The following RIPOR2 variants were observed in gnomAD, a reference collection of about 807,000 sequenced individuals.
The protein encoded by RIPOR2 is RHO family interacting cell polarization regulator 2, also known as rho family-interacting cell polarization regulator 2.
RIPOR2 carries 39 observed loss-of-function variants against 114.5 expected under a neutral mutation model. That is an observed-to-expected ratio of 0.34 (90% CI 0.26 to 0.44). The LOEUF is 0.44. RIPOR2 is among the 20% of genes least tolerant of loss of function. The pLI, the probability that RIPOR2 is intolerant of heterozygous loss-of-function variation, is 1.00. For missense variants in RIPOR2, 1,007 were observed against 1,255.1 expected (o/e 0.80, Z 2.99); for synonymous variants, 445 against 484.4 (o/e 0.92, Z 1.07).
intron 1 of RIPOR2, among the ~76,000 whole-genome samples, chr6:24,913,869 A>G (rs568663103): frequency 3.6e-4 from 55 of 152,292 alleles, no homozygotes; most frequent in Non-Finnish European, 6.0e-4. Context: ...ATCCAGGGAA[A>G]CAGTGAAGCC....
At chr6:24,853,192 T>G (rs933460236) in intron 8 of RIPOR2, among the ~76,000 whole-genome samples, 10 of 151,830 alleles carry the variant, frequency 6.6e-5, no homozygotes, top group African/African-American at 2.4e-4. Context: ...AGCTAGTGAT[T>G]AAGAAAACAA....
At chr6:24,850,177 G>C (rs1562260639) in intron 10 of RIPOR2, among the ~76,000 whole-genome samples, 1 of 148,508 alleles carries the variant, frequency 6.7e-6, no homozygotes, top group Non-Finnish European at 1.5e-5. Flanking sequence ...GCTAATTGCA[G>C]CCTTGACCTC....
At chr6:25,019,588 TA>T (rs149820186) in intron 1 of RIPOR2, among the ~76,000 whole-genome samples, 25,990 of 145,102 alleles carry the variant, frequency 0.18, 2,930 homozygotes, top group East Asian at 0.6. Flanking sequence ...GCTAACACGG[TA>T]AAAAAAAAAC....
chr6:25,019,307 T>C (rs1411797741), intron 1 of RIPOR2, among the ~76,000 whole-genome samples: 1 of 152,156 alleles, frequency 6.6e-6, no homozygotes, highest in Non-Finnish European at 1.5e-5. Context: ...TCAGGAGAAA[T>C]TATTACCACT....
chr6:24,975,274 A>T (rs1389312697), intron 1 of RIPOR2, among the ~76,000 whole-genome samples: 1 of 152,240 alleles, frequency 6.6e-6, no homozygotes, highest in African/African-American at 2.4e-5. Flanking sequence ...TATTTACAGC[A>T]TGTATAACAG....
At position 24,804,482 on chromosome 6, in the gene RIPOR2, ATC is replaced by A. The variant is rs1252132058; in HGVS notation, c.*1889_*1890del. 6.6e-6 allele frequency: 1 copy of A among 152,180 alleles called. No individual in the cohort carries two copies. The highest frequency in any genetic ancestry group is 1.5e-5 in the Non-Finnish European group (1 of 68,044). 9.4% of individuals were successfully genotyped at this position (152,180 alleles called of 1,614,324 possible). On this transcript the variant is annotated 3_prime_UTR_variant, in exon 22 of 22. Transcript: ENST00000643898. ...CAAACCAAACACAAAATCCTGTAAC[ATC>A]TGTGTTTGACTTTCTATAAAAAGAA...
rs535685673 is a variant in RIPOR2 at position 25,027,602 on chromosome 6, A to G, written c.76+14249T>C. 5.3e-5 allele frequency among the ~76,000 whole-genome samples: 8 copies of G among 152,304 alleles called. No homozygotes were observed. The East Asian group carries it at 1.3e-3, about 26-fold the overall frequency. ...CCGAGCAGGCCCCTTGGGGGATGAG[A>G]GGGGCATCTTCTGCTAAGCATGGGA... is the stretch of plus-strand genomic sequence containing the variant. On this transcript the variant is annotated intron_variant, in intron 1 of 13. Transcript: ENST00000510784.
chr6:24,935,320 CAA>C (rs976245217), intron 1 of RIPOR2, among the ~76,000 whole-genome samples: 58 of 21,830 alleles, frequency 2.7e-3, no homozygotes, highest in Middle Eastern at 0.026. Flanking sequence ...AAAACAACAA[CAA>C]AAAAAAAAAA....
At chr6:24,848,587 C>T (rs923097384) in intron 11 of RIPOR2, among the ~76,000 whole-genome samples, 3 of 152,136 alleles carry the variant, frequency 2.0e-5, no homozygotes, top group Admixed American at 6.5e-5. Context: ...AAAATAGAAT[C>T]CCATTCATTT....
chr6:24,965,420 G>C (rs1393702338), intron 1 of RIPOR2, among the ~76,000 whole-genome samples: 2 of 152,160 alleles, frequency 1.3e-5, no homozygotes, highest in Non-Finnish European at 2.9e-5. Context: ...TTATAGGCAT[G>C]AGCCACCACA....
chr6:24,842,813 A>G, intron 13 of RIPOR2, 49 bp downstream of exon 13: 1 of 1,134,598 alleles, frequency 8.8e-7, no homozygotes. Flanking sequence ...ATGTTGGCTT[A>G]GGACACCTCT....
At chr6:24,868,812 T>C (rs1764879640) in intron 6 of RIPOR2, among the ~76,000 whole-genome samples, 2 of 152,184 alleles carry the variant, frequency 1.3e-5, no homozygotes, top group African/African-American at 4.8e-5. Flanking sequence ...AGTTTATCTC[T>C]AAGCACTCTA....
intron 1 of RIPOR2, among the ~76,000 whole-genome samples, chr6:25,036,487 G>C (rs889112155): frequency 1.3e-5 from 2 of 152,116 alleles, no homozygotes; most frequent in Non-Finnish European, 2.9e-5. Context: ...CAGTTCCTAA[G>C]TTCAATCAAT....
chr6:24,916,871 G>A (rs76656398), intron 1 of RIPOR2, among the ~76,000 whole-genome samples: 2,778 of 152,204 alleles, frequency 0.018, 36 homozygotes, highest in Middle Eastern at 0.031. Context: ...CCTGTACTTG[G>A]GCAAATTATC....
intron 1 of RIPOR2, among the ~76,000 whole-genome samples, chr6:24,923,868 T>TAAATAAATAAAC (rs1295906617): frequency 2.6e-5 from 4 of 151,678 alleles, no homozygotes; most frequent in East Asian, 3.8e-4. Context: ...AATAAATAAA[T>TAAATAAATAAAC]AAATAAATAA....
chr6:24,837,408 C>A (rs1761216655), intron 14 of RIPOR2, among the ~76,000 whole-genome samples: 1 of 151,642 alleles, frequency 6.6e-6, no homozygotes, highest in Non-Finnish European at 1.5e-5. Flanking sequence ...GAGTGAGCCA[C>A]CACTCCCGGC....
chr6:24,922,490 C>T (rs1462700006), intron 1 of RIPOR2, among the ~76,000 whole-genome samples: 1 of 152,140 alleles, frequency 6.6e-6, no homozygotes. Context: ...AAAGCAACTG[C>T]TCTGTAGACC....
rs1006570374 is a variant in RIPOR2, at chr6:24,807,314, A to G, written c.3044-841T>C. On this transcript the variant is annotated intron_variant, in intron 21 of 21. Coordinates refer to ENST00000643898, the MANE Select transcript of RIPOR2 (RefSeq NM_001286445.3). ...AAACCCCATCTCTACCAAAAAATAC[A>G]AAAAAAGAGTTAGCTGGGTGTGGTG... is the stretch of plus-strand genomic sequence containing the variant. 4.6e-5 allele frequency among the ~76,000 whole-genome samples: 7 copies of G among 152,100 alleles called. No individual in the cohort carries two copies. The East Asian group carries it at 5.8e-4, about 13-fold the overall frequency.
intron 1 of RIPOR2, among the ~76,000 whole-genome samples, chr6:25,022,588 C>T (rs573724626): frequency 5.1e-5 from 4 of 78,982 alleles, no homozygotes; most frequent in African/African-American, 1.7e-4. Flanking sequence ...CTTGTTCTGT[C>T]ACCCAGGCTG....
Sources: allele counts gnomAD v4.1 joint callset (sites outside exome capture counted in the v4.1 genomes callset), GRCh38; gene constraint gnomAD v4.1.1; transcripts MANE v1.5; gene names NCBI Gene and HGNC (gene_info 2026-07-23, HGNC 2026-07-21).